PTPRC: variants seen among roughly 807,000 people sequenced by gnomAD.
The protein encoded by PTPRC is receptor-type tyrosine-protein phosphatase C.
A neutral mutation model predicts 155.9 loss-of-function variants in PTPRC; 44 were observed. The observed-to-expected ratio is 0.28, with a 90% CI of 0.22 to 0.36. The LOEUF is 0.36. Ranked by LOEUF, PTPRC falls within the 10% of genes least tolerant of loss-of-function variation. PTPRC has a pLI of 1.00. For missense variants in PTPRC, 1,401 were observed against 1,564.6 expected (o/e 0.90, Z 1.76); for synonymous variants, 525 against 533.1 (o/e 0.98, Z 0.21).
chr1:198,703,514 C>A, intron 7 of PTPRC, 142 bp downstream of exon 7: 1 of 1,311,996 alleles, frequency 7.6e-7, no homozygotes, highest in Non-Finnish European at 1.1e-6. Context: ...GATGGAACAG[C>A]AGGAAGATAT....
rs565380413 is a variant in PTPRC, at chr1:198,677,095, A to C, written c.74-15252A>C. Among the ~76,000 whole-genome samples, 26 of 152,300 alleles carry C rather than the reference A, an allele frequency of 1.7e-4. No individual in the cohort carries two copies. The South Asian group carries it at 5.2e-3, about 30-fold the overall frequency. Reference sequence around the variant, plus strand: ...GTCACTGAGTGAAAAAAGCAGAAGGATAGACTGGTGTTAACTGTAATGAAC... The same window carrying C: ...GTCACTGAGTGAAAAAAGCAGAAGGCTAGACTGGTGTTAACTGTAATGAAC... On this transcript the variant is annotated intron_variant, in intron 2 of 32. Coordinates refer to ENST00000442510, the MANE Select transcript of PTPRC (RefSeq NM_002838.5).
At chr1:198,709,934 T>C in intron 11 of PTPRC, 110 bp downstream of exon 11, 1 of 1,416,616 alleles carries the variant, frequency 7.1e-7, no homozygotes, top group Non-Finnish European at 9.7e-7. Flanking sequence ...TTGATACTTT[T>C]TAAGCATATG....
chr1:198,666,724 TATGA>T (rs1348676012), intron 2 of PTPRC, among the ~76,000 whole-genome samples: 4 of 152,204 alleles, frequency 2.6e-5, no homozygotes, highest in African/African-American at 4.8e-5. Flanking sequence ...CAAGGTAGAC[TATGA>T]ATATTTCCAC....
intron 2 of PTPRC, among the ~76,000 whole-genome samples, chr1:198,678,025 C>CATGA (rs1162403584): frequency 6.6e-6 from 1 of 151,970 alleles, no homozygotes; most frequent in African/African-American, 2.4e-5. Flanking sequence ...TTCGAAAGCA[C>CATGA]ATGAAAGTGC....
intron 2 of PTPRC, among the ~76,000 whole-genome samples, chr1:198,671,443 T>C (rs538676175): frequency 2.8e-4 from 42 of 152,206 alleles, no homozygotes; most frequent in Non-Finnish European, 4.6e-4. Flanking sequence ...TCTTTCTCTA[T>C]TCCCTTGTTA....
At chr1:198,647,570 T>G (rs1214219880) in intron 2 of PTPRC, among the ~76,000 whole-genome samples, 1 of 151,946 alleles carries the variant, frequency 6.6e-6, no homozygotes, top group Admixed American at 6.6e-5. Flanking sequence ...ATTTTGTTTT[T>G]CTTCCTCTAT....
At chr1:198,675,847 T>C (rs1282330230) in intron 2 of PTPRC, among the ~76,000 whole-genome samples, 1 of 152,184 alleles carries the variant, frequency 6.6e-6, no homozygotes, top group Non-Finnish European at 1.5e-5. Flanking sequence ...GTAATTTCTG[T>C]TGTATCTACT....
At chr1:198,682,516 A>T (rs1297733140) in intron 2 of PTPRC, among the ~76,000 whole-genome samples, 1 of 152,184 alleles carries the variant, frequency 6.6e-6, no homozygotes, top group Non-Finnish European at 1.5e-5. Context: ...TGCTGTAAAC[A>T]CGTTTCTACA....
rs1165751321 is a variant in PTPRC at position 198,756,208 on chromosome 1, A to T, written c.*27A>T. 1 of 1,612,132 alleles carries T rather than the reference A, an allele frequency of 6.2e-7. No homozygotes were observed. Among genetic ancestry groups the T allele is most frequent in the South Asian group, 1.1e-5 (1 of 91,026 alleles). ...AAAAGACATAAATGAGGAAACTCCA[A>T]ACCTCCTGTTAGCTGTTATTTCTAT... On this transcript the variant is annotated 3_prime_UTR_variant, in exon 33 of 33. Transcript: ENST00000442510.
intron 2 of PTPRC, chr1:198,679,002 A>G: frequency 4.8e-6 from 1 of 207,634 alleles, no homozygotes; most frequent in Non-Finnish European, 9.6e-6. Flanking sequence ...AAGTTACCCT[A>G]AACCATCTGA....
At chr1:198,702,343 G>C (rs114018851) in intron 5 of PTPRC, 44 bp from the exon 6 acceptor site, 2 of 1,613,842 alleles carry the variant, frequency 1.2e-6, no homozygotes, top group African/African-American at 2.7e-5. Flanking sequence ...TTGCCCTTGC[G>C]TGACAGACAC....
In PTPRC at chr1:198,639,322, C is replaced by T. The variant is rs1390547849; in HGVS notation, c.54C>T (p.Asp18=). The change falls in exon 2 of 33, where the codon GAC becomes GAT. Residue 18 remains aspartate (D), a synonymous_variant. Coordinates refer to ENST00000442510, the MANE Select transcript of PTPRC (RefSeq NM_002838.5). ...KLLAFGFAFL[D]TEVFVTGQSP... is the part of the protein sequence containing the mutation. ...TGGCATTTGGCTTTGCCTTTCTGGA[C>T]ACAGAAGTATTTGTGACAGGTAAGT... is the stretch of plus-strand genomic sequence containing the variant. 6.8e-6 allele frequency: 11 copies of T among 1,611,936 alleles called. No homozygotes were observed. The highest frequency in any genetic ancestry group is 9.3e-6 in the Non-Finnish European group (11 of 1,178,208).
chr1:198,670,110 G>A (rs1000386019), intron 2 of PTPRC, among the ~76,000 whole-genome samples: 1 of 152,010 alleles, frequency 6.6e-6, no homozygotes, highest in African/African-American at 2.4e-5. Flanking sequence ...TTTTTATAGT[G>A]ATATAGACAT....
rs913617703 is a variant in PTPRC at position 198,728,415 on chromosome 1, A to G, written c.1796A>G (p.Tyr599Cys). 6.2e-6 allele frequency: 10 copies of G among 1,612,928 alleles called. No homozygotes were observed. The highest frequency in any genetic ancestry group is 8.5e-6 in the Non-Finnish European group (10 of 1,179,446). The change falls in exon 16 of 33, where the codon TAC becomes TGC. Residue 599 changes from tyrosine to cysteine, a missense_variant. Tyr to Cys is a radical substitution (Grantham distance 194, BLOSUM62 -2). Around this residue, in one of 3 missense-constraint regions of PTPRC, gnomAD observed 867 missense variants for 970.4 expected, o/e 0.89. Coordinates refer to ENST00000442510, the MANE Select transcript of PTPRC (RefSeq NM_002838.5). ...VTSIALLVVL[Y>C]KIYDLHKKRS... is the part of the protein sequence containing the mutation. Reference sequence around the variant, plus strand: ...TCAATAGCCCTGCTTGTTGTTCTCTACAAAATCTATGATCTACATAAGAAA... The same window carrying G: ...TCAATAGCCCTGCTTGTTGTTCTCTGCAAAATCTATGATCTACATAAGAAA...
chr1:198,757,290 G>GTGT lies in PTPRC; in HGVS notation c.*1111_*1113dup, dbSNP rs986840342. On this transcript the variant is annotated 3_prime_UTR_variant, in exon 33 of 33. Coordinates refer to ENST00000442510, the MANE Select transcript of PTPRC (RefSeq NM_002838.5). ...ATTTTTTTCTTGTTTATAATACATT[G>GTGT]TGTTATATGTTCAAATATGAAATGT... 2.6e-5 allele frequency: 4 copies of GTGT among 151,378 alleles called. No homozygotes were observed. In the South Asian group the frequency reaches 6.2e-4, roughly 24 times the overall value. 9.4% of individuals were successfully genotyped at this position (151,378 alleles called of 1,614,324 possible).
rs1417710516 is a variant in PTPRC, at chr1:198,716,795, C to T, written c.1405C>T (p.Arg469Cys). Reference sequence around the variant, plus strand: ...TGCCTACATCATTGCAAAAGTGCAACGTAATGGAAGTGCTGCAATGTGTCA... The same window carrying T: ...TGCCTACATCATTGCAAAAGTGCAATGTAATGGAAGTGCTGCAATGTGTCA... ...LHAYIIAKVQ[R>C]NGSAAMCHFT... The change falls in exon 13 of 33, where the codon CGT becomes TGT. Residue 469 changes from arginine (R) to cysteine (C), a missense_variant. Arg to Cys is a radical substitution (Grantham distance 180). Transcript: ENST00000442510. 1 of 1,613,410 alleles carries T rather than the reference C, an allele frequency of 6.2e-7. No homozygotes were observed. Among genetic ancestry groups the T allele is most frequent in the Admixed American group, 1.7e-5 (1 of 60,006 alleles).
intron 2 of PTPRC, among the ~76,000 whole-genome samples, chr1:198,681,785 TA>T (rs1337773642): frequency 6.6e-6 from 1 of 152,226 alleles, no homozygotes; most frequent in East Asian, 1.9e-4. Flanking sequence ...GCTTCTGAAA[TA>T]AATCACATAA....
intron 32 of PTPRC, among the ~76,000 whole-genome samples, chr1:198,755,331 CTAAAA>C (rs1427082682): frequency 1.3e-5 from 2 of 152,004 alleles, no homozygotes; most frequent in African/African-American, 2.4e-5. Context: ...TAATTACTCA[CTAAAA>C]TATATAAAGC....
chr1:198,692,564 A>G, intron 3 of PTPRC, 191 bp downstream of exon 3: 2 of 1,053,910 alleles, frequency 1.9e-6, no homozygotes, highest in African/African-American at 1.7e-5. Context: ...AACTACCTAA[A>G]CATGTTATTA....
Sources: allele counts gnomAD v4.1 joint callset (sites outside exome capture counted in the v4.1 genomes callset), GRCh38; gene constraint gnomAD v4.1.1; regional missense constraint gnomAD v4.1.1; transcripts MANE v1.5; gene names NCBI Gene and HGNC (gene_info 2026-07-23, HGNC 2026-07-21).